Variants in SSBP2 observed in about 807,000 individuals in gnomAD.
SSBP2 encodes the protein single-stranded DNA-binding protein 2.
A neutral mutation model predicts 61.8 loss-of-function variants in SSBP2; 17 were observed. The ratio of observed to expected loss-of-function variants is 0.28; its 90% CI spans 0.19 to 0.41. The LOEUF is 0.41. Ranked by LOEUF, SSBP2 falls within the 10% of genes least tolerant of loss-of-function variation. The pLI, the probability that SSBP2 is intolerant of heterozygous loss-of-function variation, is 1.00. For missense variants in SSBP2, 310 were observed against 458.7 expected (o/e 0.68, Z 2.96); for synonymous variants, 139 against 141.3 (o/e 0.98, Z 0.12).
intron 1 of SSBP2, among the ~76,000 whole-genome samples, chr5:81,659,432 T>C (rs1473301964): frequency 6.6e-6 from 1 of 152,016 alleles, no homozygotes; most frequent in Non-Finnish European, 1.5e-5. Flanking sequence ...ACAAACAGAA[T>C]AAAATACCTA....
At chr5:81,500,299 C>T (rs968568286) in intron 5 of SSBP2, among the ~76,000 whole-genome samples, 3 of 152,046 alleles carry the variant, frequency 2.0e-5, no homozygotes, top group Admixed American at 6.6e-5. Context: ...CTACAACCTC[C>T]GCCTCCCGGG....
intron 5 of SSBP2, among the ~76,000 whole-genome samples, chr5:81,509,736 T>A (rs953859417): frequency 2.0e-5 from 3 of 152,180 alleles, no homozygotes; most frequent in African/African-American, 7.2e-5. Flanking sequence ...GACTTGTGTA[T>A]CAAATTCAAA....
chr5:81,630,860 T>G (rs188468678), intron 3 of SSBP2, among the ~76,000 whole-genome samples: 1 of 150,606 alleles, frequency 6.6e-6, no homozygotes, highest in Admixed American at 6.6e-5. Flanking sequence ...TGAGAAAGCA[T>G]GTAAAAGAGA....
intron 6 of SSBP2, among the ~76,000 whole-genome samples, chr5:81,484,741 T>C (rs1766257329): frequency 6.6e-6 from 1 of 152,114 alleles, no homozygotes; most frequent in South Asian, 2.1e-4. Context: ...GTACATACTA[T>C]TTCATCATTT....
In SSBP2 at chr5:81,428,571, A is replaced by C. The variant is rs1561385024; in HGVS notation, c.1056+14T>G. ...AATAAAATTTGAGTATAATATAGTC[A>C]AGGGAATACTTACACTCTCACTCTG... On this transcript the variant is annotated intron_variant, in intron 16 of 16. Transcript: ENST00000320672. The C allele has an allele frequency of 2.5e-6, 4 of 1,598,238 alleles. No homozygotes were observed. The highest frequency in any genetic ancestry group is 1.7e-4 in the Middle Eastern group (1 of 6,034).
chr5:81,636,518 C>T, intron 3 of SSBP2, 39 bp downstream of exon 3: 1 of 1,488,348 alleles, frequency 6.7e-7, no homozygotes. Flanking sequence ...TATTGAAATG[C>T]ATCATCAAGC....
intron 4 of SSBP2, among the ~76,000 whole-genome samples, chr5:81,555,443 A>T (rs961605378): frequency 3.9e-5 from 6 of 152,086 alleles, no homozygotes; most frequent in Admixed American, 3.9e-4. Context: ...AATTAAAGAC[A>T]CCAAATGTGT....
Position 81,729,942 on chromosome 5 carries a change from T to C in SSBP2, c.62+21039A>G, listed in dbSNP as rs925151670. Among the ~76,000 whole-genome samples, 89 of 152,210 alleles carry C rather than the reference T, an allele frequency of 5.8e-4. 1 individual carries two copies. Among genetic ancestry groups the C allele is most frequent in the African/African-American group, 2.0e-3 (82 of 41,560 alleles). On this transcript the variant is annotated intron_variant, in intron 1 of 16. Transcript: ENST00000320672. ...AATACACTAGATAGACTAAATCACA[T>C]AATTTAAAATACCTATTCTAAAGGA... is the stretch of plus-strand genomic sequence containing the variant.
At chr5:81,668,883 G>A (rs1340567050) in intron 1 of SSBP2, among the ~76,000 whole-genome samples, 1 of 152,004 alleles carries the variant, frequency 6.6e-6, no homozygotes, top group Non-Finnish European at 1.5e-5. Flanking sequence ...AATAATTTTA[G>A]CCAAGTTCCA....
chr5:81,718,730 G>A (rs1256184476), intron 1 of SSBP2, among the ~76,000 whole-genome samples: 2 of 152,050 alleles, frequency 1.3e-5, no homozygotes, highest in Admixed American at 1.3e-4. Flanking sequence ...CTGAAAAGAG[G>A]GTGTCAATTT....
At chr5:81,624,956 G>A (rs952989628) in intron 3 of SSBP2, among the ~76,000 whole-genome samples, 4 of 152,126 alleles carry the variant, frequency 2.6e-5, no homozygotes, top group African/African-American at 9.7e-5. Flanking sequence ...TGGCACAAAT[G>A]TGACTATTGG....
chr5:81,675,300 A>C (rs1350917350), intron 1 of SSBP2, among the ~76,000 whole-genome samples: 1 of 152,228 alleles, frequency 6.6e-6, no homozygotes, highest in East Asian at 1.9e-4. Context: ...ATCTCCCTTA[A>C]AACTGGGTAC....
At chr5:81,668,248 T>TAAAAAAA (rs11332987) in intron 1 of SSBP2, among the ~76,000 whole-genome samples, 1 of 94,904 alleles carries the variant, frequency 1.1e-5, no homozygotes, top group African/African-American at 4.1e-5. Flanking sequence ...TATGGAAGTT[T>TAAAAAAA]AAAAAAAAAA....
At chr5:81,512,517 A>T (rs533726417) in intron 5 of SSBP2, among the ~76,000 whole-genome samples, 5 of 152,278 alleles carry the variant, frequency 3.3e-5, no homozygotes, top group Non-Finnish European at 7.4e-5. Flanking sequence ...CTAGATTATA[A>T]GATAGGGCCC....
intron 1 of SSBP2, among the ~76,000 whole-genome samples, chr5:81,719,142 G>C (rs1755376461): frequency 6.6e-6 from 1 of 152,124 alleles, no homozygotes; most frequent in Non-Finnish European, 1.5e-5. Flanking sequence ...ATCCAGACGA[G>C]GTTGCCACAG....
intron 15 of SSBP2, among the ~76,000 whole-genome samples, chr5:81,432,377 GT>G (rs957000990): frequency 6.6e-6 from 1 of 152,198 alleles, no homozygotes; most frequent in African/African-American, 2.4e-5. Flanking sequence ...ACATACATGT[GT>G]TTTTCAAACT....
At chr5:81,748,720 T>C (rs1015325044) in intron 1 of SSBP2, among the ~76,000 whole-genome samples, 6 of 152,148 alleles carry the variant, frequency 3.9e-5, no homozygotes, top group African/African-American at 1.4e-4. Context: ...TTAAATCAAA[T>C]AGCACCATCT....
chr5:81,646,710 T>C (rs1418129582), intron 2 of SSBP2, among the ~76,000 whole-genome samples: 1 of 143,992 alleles, frequency 6.9e-6, no homozygotes, highest in Non-Finnish European at 1.5e-5. Flanking sequence ...TTTTTTTTTT[T>C]TTTTACTTTA....
At chr5:81,540,241 C>A (rs975243825) in intron 4 of SSBP2, among the ~76,000 whole-genome samples, 3 of 152,162 alleles carry the variant, frequency 2.0e-5, no homozygotes, top group Non-Finnish European at 4.4e-5. Context: ...GATTTACAAT[C>A]CTTTGGGTAT....
Sources: allele counts gnomAD v4.1 joint callset (sites outside exome capture counted in the v4.1 genomes callset), GRCh38; gene constraint gnomAD v4.1.1; transcripts MANE v1.5; gene names NCBI Gene and HGNC (gene_info 2026-07-23, HGNC 2026-07-21).